The following NEBL variants were observed in gnomAD, a reference collection of about 807,000 sequenced individuals.
NEBL encodes the protein nebulette.
In NEBL, 122 loss-of-function variants were observed where a neutral mutation model predicts 140.2. The ratio of observed to expected loss-of-function variants is 0.87; its 90% CI spans 0.75 to 1.01. NEBL has a LOEUF of 1.01. Ranked by LOEUF, NEBL falls within the 50% of genes least tolerant of loss-of-function variation. The pLI is 0.00. For synonymous variants in NEBL, 436 were observed against 398.9 expected (o/e 1.09, Z -1.11); for missense variants, 1,365 against 1,231.3 (o/e 1.11, Z -1.62).
At chr10:21,149,770 G>A (rs930846052) in intron 2 of NEBL, among the ~76,000 whole-genome samples, 1 of 152,198 alleles carries the variant, frequency 6.6e-6, no homozygotes, top group Non-Finnish European at 1.5e-5. Flanking sequence ...AGTGGGTGAC[G>A]GGGGCGGTCT....
intron 3 of NEBL, among the ~76,000 whole-genome samples, chr10:21,240,002 C>A (rs1041289300): frequency 2.9e-4 from 43 of 149,596 alleles, no homozygotes; most frequent in African/African-American, 9.9e-4. Flanking sequence ...GGTGACAGAG[C>A]GAGACTCTGC....
intron 3 of NEBL, among the ~76,000 whole-genome samples, chr10:21,008,128 C>T (rs1231198280): frequency 1.3e-5 from 2 of 151,920 alleles, no homozygotes; most frequent in African/African-American, 2.4e-5. Flanking sequence ...TTATTATATA[C>T]GTGTGTGTGT....
At chr10:20,963,769 C>G (rs1043407587) in intron 3 of NEBL, among the ~76,000 whole-genome samples, 1 of 152,230 alleles carries the variant, frequency 6.6e-6, no homozygotes, top group Admixed American at 6.5e-5. Context: ...AAAGAATCAT[C>G]TGACTTTGGC....
chr10:21,000,334 T>C (rs994362060), intron 3 of NEBL, among the ~76,000 whole-genome samples: 8 of 151,992 alleles, frequency 5.3e-5, no homozygotes, highest in Admixed American at 2.0e-4. Flanking sequence ...AGAGAGGCCC[T>C]GAGTGCTAGC....
chr10:20,854,528 C>G (rs1842856539), intron 9 of NEBL, among the ~76,000 whole-genome samples: 1 of 151,868 alleles, frequency 6.6e-6, no homozygotes, highest in Non-Finnish European at 1.5e-5. Flanking sequence ...GGAAAGCACC[C>G]CCCAGGAAGG....
chr10:21,186,087 A>G (rs972968415), intron 3 of NEBL, among the ~76,000 whole-genome samples: 1 of 152,142 alleles, frequency 6.6e-6, no homozygotes, highest in Non-Finnish European at 1.5e-5. Flanking sequence ...TTCATAAAAC[A>G]TCAAAGCCAA....
intron 2 of NEBL, among the ~76,000 whole-genome samples, chr10:21,105,251 G>A (rs1260009989): frequency 6.6e-6 from 1 of 151,994 alleles, no homozygotes; most frequent in Non-Finnish European, 1.5e-5. Flanking sequence ...TGTTACATAG[G>A]TATACATGTG....
At chr10:21,026,108 G>T (rs1839019031) in intron 2 of NEBL, among the ~76,000 whole-genome samples, 1 of 152,154 alleles carries the variant, frequency 6.6e-6, no homozygotes. Flanking sequence ...TACTGTAAAT[G>T]AGAAACATTA....
intron 2 of NEBL, among the ~76,000 whole-genome samples, chr10:21,077,170 T>C (rs1836135831): frequency 6.6e-6 from 1 of 152,196 alleles, no homozygotes; most frequent in Non-Finnish European, 1.5e-5. Flanking sequence ...GGGGTCTATC[T>C]TGGTTTTTAT....
At chr10:20,810,020 C>T (rs906270990) in intron 24 of NEBL, 122 bp from the exon 25 acceptor site, 1 of 711,594 alleles carries the variant, frequency 1.4e-6, no homozygotes, top group Non-Finnish European at 2.4e-6. Flanking sequence ...ATATAAGAAG[C>T]AAACATGTAA....
chr10:21,227,707 CTT>C (rs2132251222), intron 3 of NEBL, among the ~76,000 whole-genome samples: 1 of 80,400 alleles, frequency 1.2e-5, no homozygotes, highest in East Asian at 3.0e-4. Context: ...TCTTCTTCTT[CTT>C]CTTTCTTCTT....
upstream of NEBL, among the ~76,000 whole-genome samples, chr10:20,900,789 G>T (rs556569983): frequency 2.4e-4 from 36 of 149,160 alleles, no homozygotes; most frequent in African/African-American, 8.6e-4. Context: ...AGGTTGCAGT[G>T]AGCCAAGATC....
intron 7 of NEBL, among the ~76,000 whole-genome samples, chr10:20,862,505 A>T (rs969087849): frequency 2.0e-5 from 3 of 152,178 alleles, no homozygotes; most frequent in Admixed American, 2.0e-4. Flanking sequence ...TCACCTTCGG[A>T]CTTGTTCACT....
intron 1 of NEBL, among the ~76,000 whole-genome samples, chr10:21,282,158 A>G (rs751408739): frequency 2.6e-5 from 4 of 152,188 alleles, no homozygotes; most frequent in Non-Finnish European, 5.9e-5. Context: ...AACATCTGCA[A>G]CAATGGAAGA....
intron 4 of NEBL, among the ~76,000 whole-genome samples, chr10:20,912,596 T>A (rs189232367): frequency 4.8e-4 from 73 of 152,354 alleles, no homozygotes; most frequent in African/African-American, 1.5e-3. Context: ...TATAAGTCTT[T>A]ATCTCTTGCC....
At chr10:21,126,789 A>G (rs1838856427) in intron 2 of NEBL, among the ~76,000 whole-genome samples, 1 of 152,038 alleles carries the variant, frequency 6.6e-6, no homozygotes, top group African/African-American at 2.4e-5. Flanking sequence ...CCTGACCAAC[A>G]TGCTGAAACC....
At chr10:21,214,500 ATG>A (rs1444076724) in intron 3 of NEBL, among the ~76,000 whole-genome samples, 1 of 151,592 alleles carries the variant, frequency 6.6e-6, no homozygotes, top group African/African-American at 2.4e-5. Flanking sequence ...CATTACACAC[ATG>A]CACACACATG....
intron 6 of NEBL, among the ~76,000 whole-genome samples, chr10:20,869,479 T>C (rs1844688581): frequency 6.6e-6 from 1 of 152,176 alleles, no homozygotes; most frequent in African/African-American, 2.4e-5. Context: ...GACATCTGAA[T>C]GTCAATTTAT....
intron 3 of NEBL, among the ~76,000 whole-genome samples, chr10:21,008,151 G>T (rs1407530250): frequency 6.6e-6 from 1 of 152,056 alleles, no homozygotes; most frequent in Non-Finnish European, 1.5e-5. Flanking sequence ...ATATGTATAG[G>T]TAGATGTCAT....
Sources: gnomAD v4.1 joint callset for allele counts (sites outside exome capture counted in the v4.1 genomes callset) on GRCh38, gnomAD v4.1.1 for gene constraint, MANE v1.5 for transcripts, NCBI Gene and HGNC (gene_info 2026-07-23, HGNC 2026-07-21) for gene names.